ZNF556: variants seen among roughly 807,000 people sequenced by gnomAD.
ZNF556 encodes zinc finger protein 556.
In ZNF556, 11 loss-of-function variants were observed where a neutral mutation model predicts 13.6. That is an observed-to-expected ratio of 0.81 (90% CI 0.51 to 1.33). The LOEUF is 1.33. ZNF556 is among the 40% of genes most tolerant of loss of function. The pLI, the probability that ZNF556 is intolerant of heterozygous loss-of-function variation, is 0.00. For synonymous variants in ZNF556, 229 were observed against 207.8 expected (o/e 1.10, Z -0.88); for missense variants, 633 against 566.2 (o/e 1.12, Z -1.20).
chr19:2,882,531 A>ATAATGTGT lies in ZNF556; in HGVS notation c.*4202_*4203insTAATGTGT, dbSNP rs57053138. 1 of 127,724 alleles carries ATAATGTGT rather than the reference A, an allele frequency of 7.8e-6. No individual in the cohort carries two copies. The highest frequency in any genetic ancestry group is 2.7e-4 in the South Asian group (1 of 3,728). The allele number at this position is 127,724 out of a possible 1,614,324, so 7.9% of individuals were successfully genotyped here. ...ATACATTTTATATATATATATATAT[A>ATAATGTGT]GTGTGTGTGTGTGTGTGTGTGTGTG... On this transcript the variant is annotated 3_prime_UTR_variant, in exon 4 of 4. Transcript: ENST00000307635.
Position 2,882,113 on chromosome 19 carries a change from A to C in ZNF556, c.*3784A>C, listed in dbSNP as rs1440833708. 6.6e-6 allele frequency: 1 copy of C among 152,136 alleles called. No homozygotes were observed. The highest frequency in any genetic ancestry group is 1.5e-5 in the Non-Finnish European group (1 of 68,046). The allele number at this position is 152,136 out of a possible 1,614,324, so 9.4% of individuals were successfully genotyped here. A position where few individuals can be genotyped will look rare whatever the true frequency, so the allele number is the denominator to read the frequency against. On this transcript the variant is annotated 3_prime_UTR_variant, in exon 4 of 4. Coordinates refer to ENST00000307635, the MANE Select transcript of ZNF556 (RefSeq NM_024967.3). ...ACAGAATGAGACCGTGTGTCAAATT[A>C]AAAAGAAAAAAAGAAACAATAATTA...
At position 2,879,146 on chromosome 19, in the gene ZNF556, G is replaced by A. The variant is rs1299148999; in HGVS notation, c.*817G>A. The A allele has an allele frequency of 8.5e-5, 13 of 152,074 alleles. No individual in the cohort carries two copies. The highest frequency in any genetic ancestry group is 8.5e-4 in the Admixed American group (13 of 15,242). The allele number at this position is 152,074 out of a possible 1,614,324, so 9.4% of individuals were successfully genotyped here. A position where few individuals can be genotyped will look rare whatever the true frequency, so the allele number is the denominator to read the frequency against. On this transcript the variant is annotated 3_prime_UTR_variant, in exon 4 of 4. Coordinates refer to ENST00000307635, the MANE Select transcript of ZNF556 (RefSeq NM_024967.3). ...ATGTTAATACTTTCTACTTATACAGGCAAGTAATTCAGTGGCTTTATGCTA... is the reference window on the plus strand; with the variant it reads ...ATGTTAATACTTTCTACTTATACAGACAAGTAATTCAGTGGCTTTATGCTA...
rs1205073755 is a variant in ZNF556, at chr19:2,879,332, A to G, written c.*1003A>G. 1 of 151,828 alleles carries G rather than the reference A, an allele frequency of 6.6e-6. No homozygotes were observed. Among genetic ancestry groups the G allele is most frequent in the Non-Finnish European group, 1.5e-5 (1 of 67,978 alleles). The allele number at this position is 151,828 out of a possible 1,614,324, so 9.4% of individuals were successfully genotyped here. ...CTGGCTTCTGGGTTGGAATTGGAAAATAGGTTTTTTTGGGTTTTTTTTCTT... is the reference window on the plus strand; with the variant it reads ...CTGGCTTCTGGGTTGGAATTGGAAAGTAGGTTTTTTTGGGTTTTTTTTCTT... On this transcript the variant is annotated 3_prime_UTR_variant, in exon 4 of 4. Coordinates refer to ENST00000307635, the MANE Select transcript of ZNF556 (RefSeq NM_024967.3).
chr19:2,869,391 G>A (rs1052406089), intron 1 of ZNF556, among the ~76,000 whole-genome samples: 1 of 151,868 alleles, frequency 6.6e-6, no homozygotes, highest in Non-Finnish European at 1.5e-5. Flanking sequence ...TTTTGAGACG[G>A]AGTCTTGCTC....
chr19:2,869,821 A>G (rs1312142123), intron 1 of ZNF556, among the ~76,000 whole-genome samples: 1 of 152,132 alleles, frequency 6.6e-6, no homozygotes, highest in East Asian at 1.9e-4. Context: ...AGATGAGATC[A>G]CTGCTCTGTG....
In ZNF556 at chr19:2,873,583, G is replaced by C. The variant is rs1205012132; in HGVS notation, c.91G>C (p.Asp31His). 15 of 1,614,132 alleles carry C rather than the reference G, an allele frequency of 9.3e-6. No homozygotes were observed. The highest frequency in any genetic ancestry group is 1.3e-5 in the Non-Finnish European group (15 of 1,179,998). ...TCCTGCTCAGAGAAAACTCTACAGA[G>C]ATGTCATGCTGGAGACCTTCAAGCA... is the stretch of plus-strand genomic sequence containing the variant. ...LNPAQRKLYR[D>H]VMLETFKHLA... Residue 31 changes from aspartate (D) to histidine (H), a missense_variant, in exon 2 of 4, where the codon GAT becomes CAT. Transcript: ENST00000307635.
rs751980661 is a variant in ZNF556, at chr19:2,873,523, G to A, written c.31G>A (p.Val11Met). The A allele has an allele frequency of 1.3e-5, 21 of 1,614,204 alleles. 1 individual carries two copies. In the South Asian group the frequency reaches 2.2e-4, roughly 17 times the overall value. MDTVVFEDVV[V>M]DFTLEEWALL... is the part of the protein sequence containing the mutation. Reference sequence around the variant, plus strand: ...CACAGTGGTCTTTGAAGACGTGGTTGTGGATTTCACGCTGGAGGAGTGGGC... The same window carrying A: ...CACAGTGGTCTTTGAAGACGTGGTTATGGATTTCACGCTGGAGGAGTGGGC... Residue 11 changes from valine to methionine, a missense_variant, in exon 2 of 4, where the codon GTG becomes ATG. Physicochemically the swap from Val to Met is conservative, Grantham distance 21 (BLOSUM62 1). Coordinates refer to ENST00000307635, the MANE Select transcript of ZNF556 (RefSeq NM_024967.3).
chr19:2,878,366 G>T lies in ZNF556; in HGVS notation c.*37G>T. On this transcript the variant is annotated 3_prime_UTR_variant, in exon 4 of 4. Transcript: ENST00000307635. ...CTGTGCAAATTAATTCACATACATGGTTCAGAAAATTCACAGCAGGAGGGC... is the reference window on the plus strand; with the variant it reads ...CTGTGCAAATTAATTCACATACATGTTTCAGAAAATTCACAGCAGGAGGGC... The T allele has an allele frequency of 1.3e-6, 2 of 1,590,572 alleles. No individual in the cohort carries two copies. Among genetic ancestry groups the T allele is most frequent in the Non-Finnish European group, 1.7e-6 (2 of 1,168,198 alleles).
rs752627435 is a variant in ZNF556 at position 2,876,149 on chromosome 19, G to T, written c.187G>T (p.Glu63Ter). ...GSISQQDTSG[E>*]KLSLKQKIEK... ...TATTTCTCAGCAGGATACTTCTGGA[G>T]AAAAATTATCCCTCAAACAGAAAAT... The change falls in exon 3 of 4, where the codon GAA becomes TAA. Residue 63 changes from glutamate to a stop codon, truncating the protein, a stop_gained. Transcript: ENST00000307635. LOFTEE classifies it high-confidence loss of function. The T allele has an allele frequency of 6.2e-7, 1 of 1,612,818 alleles. No individual in the cohort carries two copies. The highest frequency in any genetic ancestry group is 8.5e-7 in the Non-Finnish European group (1 of 1,179,694).
chr19:2,872,104 T>G (rs991484364), intron 1 of ZNF556, among the ~76,000 whole-genome samples: 4 of 152,124 alleles, frequency 2.6e-5, no homozygotes, highest in Admixed American at 6.6e-5. Flanking sequence ...GAAAGCGGAC[T>G]AGGAGCGTGA....
chr19:2,870,953 CACTTG>C (rs2087797918), intron 1 of ZNF556, among the ~76,000 whole-genome samples: 1 of 151,344 alleles, frequency 6.6e-6, no homozygotes, highest in Non-Finnish European at 1.5e-5. Flanking sequence ...GCGGGAGGAT[CACTTG>C]AACCTTGGAG....
At position 2,878,968 on chromosome 19, in the gene ZNF556, TA is replaced by T. The variant is rs797014285; in HGVS notation, c.*640del. On this transcript the variant is annotated 3_prime_UTR_variant, in exon 4 of 4. Coordinates refer to ENST00000307635, the MANE Select transcript of ZNF556 (RefSeq NM_024967.3). ...ATATGCATTAACTTTAATTTTTATA[TA>T]TTTTTTTTGTTACTCCGTGTGAGGC... 7 of 152,220 alleles carry T rather than the reference TA, an allele frequency of 4.6e-5. No homozygotes were observed. The highest frequency in any genetic ancestry group is 2.1e-4 in the South Asian group (1 of 4,828). 9.4% of individuals were successfully genotyped at this position (152,220 alleles called of 1,614,324 possible).
chr19:2,872,159 A>C (rs1050124620), intron 1 of ZNF556, among the ~76,000 whole-genome samples: 2 of 152,094 alleles, frequency 1.3e-5, no homozygotes, highest in Non-Finnish European at 2.9e-5. Flanking sequence ...GCCTCGGGAT[A>C]ACTGCGGGCG....
rs1206807971 is a variant in ZNF556 at position 2,880,424 on chromosome 19, A to G, written c.*2095A>G. On this transcript the variant is annotated 3_prime_UTR_variant, in exon 4 of 4. Coordinates refer to ENST00000307635, the MANE Select transcript of ZNF556 (RefSeq NM_024967.3). ...CAATCTCTGTTTTTTATTTACTGGG[A>G]GAATGTATTAAAATATTGAAAATTG... 1 of 152,138 alleles carries G rather than the reference A, an allele frequency of 6.6e-6. No homozygotes were observed. Among genetic ancestry groups the G allele is most frequent in the East Asian group, 1.9e-4 (1 of 5,198 alleles). The allele number at this position is 152,138 out of a possible 1,614,324, so 9.4% of individuals were successfully genotyped here.
At position 2,877,458 on chromosome 19, in the gene ZNF556, G is replaced by A. The variant is rs2046237366; in HGVS notation, c.500G>A (p.Arg167Lys). Reference protein sequence around the residue: ...THSSSLIRHKRAHSGQKLYKC... With the variant: ...THSSSLIRHKKAHSGQKLYKC... ...TCCTCATCCCTGATAAGGCACAAAA[G>A]AGCTCACTCTGGACAAAAATTATAT... The change falls in exon 4 of 4, where the codon AGA (arginine) becomes AAA (lysine). Residue 167 changes from arginine to lysine, a missense_variant. Transcript: ENST00000307635. The A allele has an allele frequency of 1.2e-6, 2 of 1,614,024 alleles. No homozygotes were observed. Among genetic ancestry groups the A allele is most frequent in the African/African-American group, 2.7e-5 (2 of 74,904 alleles).
At chr19:2,867,483 C>G in intron 1 of ZNF556, 59 bp downstream of exon 1, 1 of 1,564,524 alleles carries the variant, frequency 6.4e-7, no homozygotes, top group Non-Finnish European at 8.7e-7. Context: ...GGGTTGGAAG[C>G]GGCCAGAACA....
At chr19:2,869,786 C>T (rs1334576138) in intron 1 of ZNF556, among the ~76,000 whole-genome samples, 1 of 152,198 alleles carries the variant, frequency 6.6e-6, no homozygotes, top group Admixed American at 6.5e-5. Context: ...CTGTATGTGT[C>T]CCCTATGATC....
Position 2,873,556 on chromosome 19 carries a change from A to C in ZNF556, c.64A>C (p.Asn22His), listed in dbSNP as rs1313304297. The C allele has an allele frequency of 1.9e-6, 3 of 1,614,062 alleles. No individual in the cohort carries two copies. The highest frequency in any genetic ancestry group is 2.5e-6 in the Non-Finnish European group (3 of 1,180,032). ...DFTLEEWALL[N>H]PAQRKLYRDV... The stretch of plus-strand genomic sequence containing the variant: ...CACGCTGGAGGAGTGGGCCTTGCTG[A>C]ATCCTGCTCAGAGAAAACTCTACAG... The change falls in exon 2 of 4, where the codon AAT (asparagine) becomes CAT (histidine). Residue 22 changes from asparagine to histidine, a missense_variant. Asn to His is a moderately conservative substitution (Grantham distance 68). Coordinates refer to ENST00000307635, the MANE Select transcript of ZNF556 (RefSeq NM_024967.3).
rs2087889573 is a variant in ZNF556 at position 2,879,678 on chromosome 19, T to C, written c.*1349T>C. On this transcript the variant is annotated 3_prime_UTR_variant, in exon 4 of 4. Coordinates refer to ENST00000307635, the MANE Select transcript of ZNF556 (RefSeq NM_024967.3). The stretch of plus-strand genomic sequence containing the variant: ...ATCTTAATACCTCATTGTCTCAGTA[T>C]TTCTTGTGCTTCTGTGTTCCTGCTT... 1 of 152,112 alleles carries C rather than the reference T, an allele frequency of 6.6e-6. No individual in the cohort carries two copies. Among genetic ancestry groups the C allele is most frequent in the African/African-American group, 2.4e-5 (1 of 41,428 alleles). The allele number at this position is 152,112 out of a possible 1,614,324, so 9.4% of individuals were successfully genotyped here. A position where few individuals can be genotyped will look rare whatever the true frequency, so the allele number is the denominator to read the frequency against.
Sources: gnomAD v4.1 joint callset for allele counts (sites outside exome capture counted in the v4.1 genomes callset) on GRCh38, gnomAD v4.1.1 for gene constraint, MANE v1.5 for transcripts, NCBI Gene and HGNC (gene_info 2026-07-23, HGNC 2026-07-21) for gene names.